Variants in IL34 observed in about 807,000 individuals in gnomAD.
IL34 encodes interleukin 34, also known as interleukin-34.
Under a neutral mutation model 25.3 loss-of-function variants are expected in IL34, and 17 were observed. That is an observed-to-expected ratio of 0.67 (90% CI 0.46 to 1.01). The LOEUF is 1.01. Among genes scored for constraint, IL34 ranks in the 50% least tolerant of loss-of-function variants. The pLI, the probability that IL34 is intolerant of heterozygous loss-of-function variation, is 0.00. For synonymous variants in IL34, 174 were observed against 140.9 expected (o/e 1.23, Z -1.66); for missense variants, 368 against 312.9 (o/e 1.18, Z -1.33).
At chr16:70,628,863 C>G (rs1313858613) in intron 1 of IL34, among the ~76,000 whole-genome samples, 4 of 150,020 alleles carry the variant, frequency 2.7e-5, no homozygotes, top group Admixed American at 6.7e-5. Flanking sequence ...TCACAGCTCA[C>G]TATAGCTTCG....
chr16:70,584,997 G>A (rs527825764), intron 1 of IL34, among the ~76,000 whole-genome samples: 4 of 152,094 alleles, frequency 2.6e-5, no homozygotes, highest in Non-Finnish European at 4.4e-5. Flanking sequence ...CACTGTGCCC[G>A]GCCATCTTAA....
intron 1 of IL34, among the ~76,000 whole-genome samples, chr16:70,631,792 T>C (rs2051523734): frequency 6.6e-6 from 1 of 152,162 alleles, no homozygotes; most frequent in Non-Finnish European, 1.5e-5. Context: ...CTGTGCAGCT[T>C]ACTGTTGTGT....
intron 1 of IL34, among the ~76,000 whole-genome samples, chr16:70,622,130 A>T (rs903484080): frequency 4.6e-5 from 7 of 152,074 alleles, no homozygotes; most frequent in Non-Finnish European, 1.0e-4. Context: ...CTGGTCTGTT[A>T]TCAGACTGTA....
At chr16:70,638,622 A>G (rs2051711050) in intron 1 of IL34, among the ~76,000 whole-genome samples, 2 of 151,756 alleles carry the variant, frequency 1.3e-5, no homozygotes, top group African/African-American at 4.8e-5. Context: ...TTTTTGAGAC[A>G]AGGCCTTTCT....
chr16:70,656,724 A>C (rs754791420), intron 3 of IL34, 45 bp downstream of exon 3: 1 of 1,019,738 alleles, frequency 9.8e-7, no homozygotes, highest in Non-Finnish European at 1.6e-6. Flanking sequence ...CTCCTGCGAC[A>C]TCCGGTGGGC....
At chr16:70,628,418 T>C (rs546566831) in intron 1 of IL34, among the ~76,000 whole-genome samples, 43 of 152,200 alleles carry the variant, frequency 2.8e-4, no homozygotes, top group Non-Finnish European at 5.3e-4. Context: ...TTTACATTTT[T>C]TGTTGTTATG....
chr16:70,656,564 T>C (rs543861530), intron 2 of IL34, 38 bp from the exon 3 acceptor site: 9 of 917,898 alleles, frequency 9.8e-6, no homozygotes, highest in Non-Finnish European at 1.7e-5. Context: ...TGGTCATTTC[T>C]ACTTCTGGCC....
chr16:70,618,513 G>A (rs2051210321), intron 1 of IL34, among the ~76,000 whole-genome samples: 1 of 152,156 alleles, frequency 6.6e-6, no homozygotes, highest in Non-Finnish European at 1.5e-5. Flanking sequence ...AGTGAGTTGA[G>A]CATAGTTTGT....
At chr16:70,633,969 G>C (rs566555051) in intron 1 of IL34, among the ~76,000 whole-genome samples, 1 of 152,198 alleles carries the variant, frequency 6.6e-6, no homozygotes, top group African/African-American at 2.4e-5. Flanking sequence ...TGCTGCCTCA[G>C]CCTCCGGAGT....
intron 1 of IL34, among the ~76,000 whole-genome samples, chr16:70,634,757 A>G (rs574042368): frequency 1.3e-5 from 2 of 152,036 alleles, no homozygotes; most frequent in African/African-American, 4.8e-5. Flanking sequence ...GCCACCTGGG[A>G]TAGCCACAGT....
At chr16:70,624,216 C>T (rs1468986067) in intron 1 of IL34, among the ~76,000 whole-genome samples, 1 of 151,908 alleles carries the variant, frequency 6.6e-6, no homozygotes, top group African/African-American at 2.4e-5. Context: ...CATTCCTTGG[C>T]CCAGTGGCCA....
chr16:70,609,267 C>T (rs1330146964), intron 1 of IL34, among the ~76,000 whole-genome samples: 5 of 151,912 alleles, frequency 3.3e-5, no homozygotes, highest in Admixed American at 2.0e-4. Flanking sequence ...TTAGTAGAGA[C>T]GGGGTTTCGC....
At chr16:70,652,961 T>G (rs1265475596) in intron 1 of IL34, among the ~76,000 whole-genome samples, 9 of 152,142 alleles carry the variant, frequency 5.9e-5, no homozygotes, top group Non-Finnish European at 1.3e-4. Context: ...TCCAGCACTT[T>G]GGGAGGCAGA....
rs949097794 is a variant in IL34 at position 70,622,468 on chromosome 16, G to A, written c.-400-24080G>A. On this transcript the variant is annotated intron_variant, in intron 1 of 6. Transcript: ENST00000429149. ...CGATGGAAAGGAAATGAGAGGTTCT[G>A]AGAGGCGGGCTAGTGGCTTGTACTA... is the stretch of plus-strand genomic sequence containing the variant. Among the ~76,000 whole-genome samples the A allele has an allele frequency of 4.3e-4, 25 of 57,816 alleles. No homozygotes were observed. In the East Asian group the frequency reaches 0.013, roughly 31 times the overall value. 37.9% of individuals were successfully genotyped at this position (57,816 alleles called of 152,430 possible).
intron 1 of IL34, among the ~76,000 whole-genome samples, chr16:70,603,348 C>T (rs1419853833): frequency 2.0e-5 from 3 of 152,036 alleles, no homozygotes; most frequent in Admixed American, 6.6e-5. Flanking sequence ...GGTGCGATCT[C>T]GGCTCACCGC....
upstream of IL34, among the ~76,000 whole-genome samples, chr16:70,644,927 GAA>G (rs879272954): frequency 0.3 from 24,176 of 80,128 alleles, 3,116 homozygotes; most frequent in African/African-American, 0.44. Context: ...GAAGGAGGAG[GAA>G]GGAGGAAGAG....
intron 1 of IL34, among the ~76,000 whole-genome samples, chr16:70,626,236 AGT>A (rs1452050972): frequency 6.6e-6 from 1 of 152,124 alleles, no homozygotes; most frequent in African/African-American, 2.4e-5. Context: ...CATTCAGTTT[AGT>A]GTGTCTCTTT....
At chr16:70,597,152 A>T (rs1359339513) in intron 1 of IL34, among the ~76,000 whole-genome samples, 2 of 151,208 alleles carry the variant, frequency 1.3e-5, no homozygotes, top group African/African-American at 4.9e-5. Context: ...GCCATTACTG[A>T]CTTCCTTATT....
intron 1 of IL34, among the ~76,000 whole-genome samples, chr16:70,620,713 C>G (rs2051263348): frequency 7.8e-6 from 1 of 129,010 alleles, no homozygotes; most frequent in Non-Finnish European, 1.7e-5. Flanking sequence ...TATTTTACAA[C>G]AAGAATTATT....
Sources: gnomAD v4.1 joint callset for allele counts (sites outside exome capture counted in the v4.1 genomes callset) on GRCh38, gnomAD v4.1.1 for gene constraint, MANE v1.5 for transcripts, NCBI Gene and HGNC (gene_info 2026-07-23, HGNC 2026-07-21) for gene names.